PLCG2: variants seen among roughly 807,000 people sequenced by gnomAD.
The protein encoded by PLCG2 is 1-phosphatidylinositol 4,5-bisphosphate phosphodiesterase gamma-2.
PLCG2 carries 69 observed loss-of-function variants against 175.6 expected under a neutral mutation model. The observed-to-expected ratio is 0.39, with a 90% CI of 0.32 to 0.48. The LOEUF is 0.48. PLCG2 is among the 20% of genes least tolerant of loss of function. The probability of loss-of-function intolerance (pLI) is 0.91; values close to 1 mark genes in which losing one functional copy is unlikely to be tolerated. For missense variants in PLCG2, 1,798 were observed against 1,650.9 expected (o/e 1.09, Z -1.54); for synonymous variants, 827 against 624.0 (o/e 1.33, Z -4.85).
chr16:81,830,683 C>G (rs1014233009), intron 2 of PLCG2, among the ~76,000 whole-genome samples: 4 of 151,316 alleles, frequency 2.6e-5, no homozygotes, highest in Admixed American at 2.0e-4. Flanking sequence ...TATATATACA[C>G]ACATATATTT....
chr16:81,783,087 G>A lies in PLCG2; in HGVS notation c.-47-2856G>A, dbSNP rs144161264. 1,619 of 472,898 alleles carry A rather than the reference G, an allele frequency of 3.4e-3. 18 individuals carry two copies. Among genetic ancestry groups the A allele is most frequent in the African/African-American group, 0.029 (1,500 of 50,994 alleles). 29.3% of individuals were successfully genotyped at this position (472,898 alleles called of 1,614,324 possible). ...CCAAGGCCCTCCCAGAGTGAGGGCTGGAAAGAACTGAGGAGCCTGGTCCCT... is the reference window on the plus strand; with the variant it reads ...CCAAGGCCCTCCCAGAGTGAGGGCTAGAAAGAACTGAGGAGCCTGGTCCCT... On this transcript the variant is annotated intron_variant, in intron 1 of 32. Transcript: ENST00000564138.
intron 2 of PLCG2, among the ~76,000 whole-genome samples, chr16:81,797,431 C>A (rs945281852): frequency 6.6e-6 from 1 of 152,180 alleles, no homozygotes; most frequent in Admixed American, 6.5e-5. Flanking sequence ...AATCAGAAAT[C>A]CTGGGGTTGA....
At chr16:81,894,684 C>T (rs1189310572) in intron 12 of PLCG2, among the ~76,000 whole-genome samples, 2 of 152,092 alleles carry the variant, frequency 1.3e-5, no homozygotes, top group African/African-American at 2.4e-5. Context: ...ATCAGTCTGG[C>T]CAACATGGCG....
intron 2 of PLCG2, among the ~76,000 whole-genome samples, chr16:81,849,916 G>C (rs1906322377): frequency 6.6e-6 from 1 of 152,318 alleles, no homozygotes; most frequent in Admixed American, 6.5e-5. Context: ...AACTGGGTGG[G>C]TGAATAACTA....
intron 30 of PLCG2, among the ~76,000 whole-genome samples, chr16:81,944,329 A>G (rs1414578530): frequency 1.3e-5 from 2 of 152,246 alleles, no homozygotes; most frequent in Non-Finnish European, 2.9e-5. Flanking sequence ...TATCGAACAT[A>G]TGCAGACTTT....
chr16:81,781,413 G>GTTTT (rs71146046), intron 1 of PLCG2, among the ~76,000 whole-genome samples: 2 of 150,218 alleles, frequency 1.3e-5, no homozygotes, highest in Admixed American at 1.3e-4. Flanking sequence ...GTTGTTTTCT[G>GTTTT]TTTTTTTTTC....
In PLCG2 at chr16:81,937,947, C is replaced by G. The variant is rs754101488; in HGVS notation, c.3198+44C>G. 8.1e-6 allele frequency: 13 copies of G among 1,600,948 alleles called. No homozygotes were observed. The African/African-American group carries it at 1.7e-4, about 21-fold the overall frequency. On this transcript the variant is annotated intron_variant, in intron 28 of 32. Transcript: ENST00000564138. Reference sequence around the variant, plus strand: ...TCCTGCCAGGGGAGCCAGCCGCCCTCCCTGGGGGCTGGGCCGATGCTGTCT... The same window carrying G: ...TCCTGCCAGGGGAGCCAGCCGCCCTGCCTGGGGGCTGGGCCGATGCTGTCT...
At chr16:81,898,260 T>C (rs1014182413) in intron 13 of PLCG2, 3 of 153,312 alleles carry the variant, frequency 2.0e-5, no homozygotes, top group African/African-American at 7.2e-5. Context: ...CATTAATGCA[T>C]TAATGTTTTG....
intron 11 of PLCG2, among the ~76,000 whole-genome samples, chr16:81,892,174 G>T (rs984614689): frequency 1.3e-5 from 2 of 152,242 alleles, no homozygotes; most frequent in East Asian, 3.8e-4. Flanking sequence ...GTCTGCTAAG[G>T]CTGGAGTGCA....
chr16:81,796,865 G>A (rs572158031), intron 2 of PLCG2, among the ~76,000 whole-genome samples: 4 of 152,062 alleles, frequency 2.6e-5, no homozygotes, highest in East Asian at 1.9e-4. Flanking sequence ...CTGTTGTTTC[G>A]GCCATCCAAT....
intron 22 of PLCG2, among the ~76,000 whole-genome samples, chr16:81,926,163 C>T (rs1011384806): frequency 2.6e-5 from 4 of 152,156 alleles, no homozygotes; most frequent in African/African-American, 4.8e-5. Flanking sequence ...ATGATAGGGA[C>T]GACGGGCCAG....
chr16:81,797,383 C>T (rs1033381812), intron 2 of PLCG2, among the ~76,000 whole-genome samples: 1 of 152,050 alleles, frequency 6.6e-6, no homozygotes, highest in African/African-American at 2.4e-5. Context: ...CTTGATTTGT[C>T]TTGGGAGAGA....
intron 14 of PLCG2, among the ~76,000 whole-genome samples, chr16:81,905,063 T>A (rs997319696): frequency 6.6e-6 from 1 of 152,212 alleles, no homozygotes; most frequent in Admixed American, 6.5e-5. Context: ...AATTTTTTTA[T>A]TTTTGTAGAT....
In PLCG2 at chr16:81,883,357, G is replaced by T. The variant is rs149401729; in HGVS notation, c.765+16G>T. On this transcript the variant is annotated intron_variant, in intron 9 of 32. Transcript: ENST00000564138. ...TGAACAGCAGGTGAGAGCACAAGGT[G>T]TGTGGGTGCCTGAGGGAGCTGGCGG... 5.0e-6 allele frequency: 8 copies of T among 1,609,228 alleles called. No homozygotes were observed. Among genetic ancestry groups the T allele is most frequent in the Middle Eastern group, 3.3e-4 (2 of 6,044 alleles).
chr16:81,742,547 T>A (rs1196838922), intron 1 of PLCG2, among the ~76,000 whole-genome samples: 1 of 152,178 alleles, frequency 6.6e-6, no homozygotes, highest in African/African-American at 2.4e-5. Context: ...GAACGTCCCA[T>A]GCACTACCCC....
At chr16:81,853,561 C>G (rs559564889) in intron 2 of PLCG2, among the ~76,000 whole-genome samples, 2 of 152,178 alleles carry the variant, frequency 1.3e-5, no homozygotes, top group Non-Finnish European at 2.9e-5. Context: ...ACCTGGATCC[C>G]TCGCATGCGT....
intron 2 of PLCG2, among the ~76,000 whole-genome samples, chr16:81,788,754 C>A (rs1356825236): frequency 1.3e-5 from 2 of 152,166 alleles, no homozygotes; most frequent in Non-Finnish European, 2.9e-5. Context: ...CCCAGTGGGT[C>A]TCTTGTGGCA....
chr16:81,896,406 A>T (rs903524344), intron 13 of PLCG2, among the ~76,000 whole-genome samples: 4 of 142,314 alleles, frequency 2.8e-5, no homozygotes, highest in Admixed American at 1.4e-4. Context: ...ACACACACAC[A>T]CACACACACA....
chr16:81,805,767 G>GTTTTTTTTTTTTTTTTTT (rs766609754), intron 2 of PLCG2, among the ~76,000 whole-genome samples: 6 of 39,524 alleles, frequency 1.5e-4, no homozygotes, highest in African/African-American at 3.7e-4. Flanking sequence ...GTTTTGTTTT[G>GTTTTTTTTTTTTTTTTTT]TTTTTTTTTT....
Sources: allele counts gnomAD v4.1 joint callset (sites outside exome capture counted in the v4.1 genomes callset), GRCh38; gene constraint gnomAD v4.1.1; transcripts MANE v1.5; gene names NCBI Gene and HGNC (gene_info 2026-07-23, HGNC 2026-07-21).